Variants in L3MBTL4 observed in about 807,000 individuals in gnomAD.
The protein encoded by L3MBTL4 is L3MBTL histone methyl-lysine binding protein 4.
Under a neutral mutation model 84.5 loss-of-function variants are expected in L3MBTL4, and 70 were observed. The ratio of observed to expected loss-of-function variants is 0.83; its 90% CI spans 0.68 to 1.01. L3MBTL4 has a LOEUF of 1.01. Among genes scored for constraint, L3MBTL4 ranks in the 50% least tolerant of loss-of-function variants. The pLI is 0.00. For missense variants in L3MBTL4, 715 were observed against 754.8 expected, an observed-to-expected ratio of 0.95 and a Z score of 0.62; for synonymous variants, 274 against 259.8, an observed-to-expected ratio of 1.05 and a Z score of -0.52.
At chr18:5,975,700 T>C (rs558988498) in intron 16 of L3MBTL4, among the ~76,000 whole-genome samples, 1 of 152,278 alleles carries the variant, frequency 6.6e-6, no homozygotes, top group East Asian at 1.9e-4. Context: ...AAAACAAAAG[T>C]AAAAAGCAGA....
chr18:6,178,836 A>G (rs2044338161), intron 12 of L3MBTL4, among the ~76,000 whole-genome samples: 1 of 152,214 alleles, frequency 6.6e-6, no homozygotes, highest in Non-Finnish European at 1.5e-5. Flanking sequence ...CTGCACCAAC[A>G]CAGTCTCTGC....
intron 5 of L3MBTL4, among the ~76,000 whole-genome samples, chr18:6,257,317 C>T (rs1423916983): frequency 6.6e-6 from 1 of 152,034 alleles, no homozygotes. Flanking sequence ...CCAAGTCAGG[C>T]TTCCAGGAGA....
intron 10 of L3MBTL4, among the ~76,000 whole-genome samples, chr18:6,219,579 T>G (rs1271008189): frequency 1.3e-5 from 2 of 149,934 alleles, no homozygotes; most frequent in Non-Finnish European, 3.0e-5. Context: ...ATCAAGGAAG[T>G]ACTGAGCTAG....
At chr18:6,124,592 G>A (rs1181952286) in intron 14 of L3MBTL4, among the ~76,000 whole-genome samples, 1 of 151,942 alleles carries the variant, frequency 6.6e-6, no homozygotes, top group Non-Finnish European at 1.5e-5. Flanking sequence ...GAAAGAAAAA[G>A]GTCTGGGCTT....
At chr18:6,298,358 G>GT (rs2050192119) in intron 4 of L3MBTL4, among the ~76,000 whole-genome samples, 3 of 152,036 alleles carry the variant, frequency 2.0e-5, no homozygotes, top group Admixed American at 2.0e-4. Flanking sequence ...CCCTTTGCCT[G>GT]TTTTTGGACT....
intron 14 of L3MBTL4, among the ~76,000 whole-genome samples, chr18:6,122,003 G>A (rs376628675): frequency 2.8e-4 from 43 of 152,250 alleles, no homozygotes; most frequent in African/African-American, 1.0e-3. Context: ...TATCAGATGA[G>A]TAGTTAGAAG....
intron 16 of L3MBTL4, among the ~76,000 whole-genome samples, chr18:6,071,877 A>T (rs1323844466): frequency 1.3e-5 from 2 of 152,058 alleles, no homozygotes; most frequent in African/African-American, 4.8e-5. Flanking sequence ...GAAGAAAGGA[A>T]GGAAGGAAGA....
chr18:6,018,314 C>T (rs2055093790), intron 16 of L3MBTL4, among the ~76,000 whole-genome samples: 2 of 152,158 alleles, frequency 1.3e-5, no homozygotes, highest in African/African-American at 2.4e-5. Flanking sequence ...CACTTGGCTC[C>T]GTTTCCAGAA....
intron 16 of L3MBTL4, among the ~76,000 whole-genome samples, chr18:6,072,879 AAAATATATATATAT>A (rs1244863368): frequency 7.7e-4 from 32 of 41,590 alleles, no homozygotes; most frequent in Non-Finnish European, 1.4e-3. Context: ...AAAAAAAAAA[AAAATATATATATAT>A]ATATATATAT....
At chr18:6,313,251 A>G (rs1216569990) in intron 1 of L3MBTL4, among the ~76,000 whole-genome samples, 1 of 152,168 alleles carries the variant, frequency 6.6e-6, no homozygotes, top group Non-Finnish European at 1.5e-5. Context: ...AACTACATAA[A>G]CATGTCTCTC....
chr18:6,070,588 G>A (rs1208469597), intron 16 of L3MBTL4, among the ~76,000 whole-genome samples: 4 of 150,840 alleles, frequency 2.7e-5, no homozygotes, highest in African/African-American at 9.7e-5. Context: ...AGGTCAAAGT[G>A]GGCAGATTGT....
intron 4 of L3MBTL4, among the ~76,000 whole-genome samples, chr18:6,295,443 T>C (rs2050068762): frequency 6.6e-6 from 1 of 151,078 alleles, no homozygotes; most frequent in Non-Finnish European, 1.5e-5. Context: ...ATGCTATTAC[T>C]GATTGACTCC....
chr18:5,958,133 G>GAA (rs1567912011), intron 18 of L3MBTL4, among the ~76,000 whole-genome samples: 3 of 57,962 alleles, frequency 5.2e-5, no homozygotes, highest in Non-Finnish European at 7.7e-5. Flanking sequence ...AGAAGAAAAA[G>GAA]AAGAAGAAGA....
At chr18:5,960,279 A>G (rs2095257156) in intron 17 of L3MBTL4, 123 bp from the exon 18 acceptor site, 1 of 419,686 alleles carries the variant, frequency 2.4e-6, no homozygotes, top group Non-Finnish European at 4.3e-6. Context: ...ATTAAATAGT[A>G]ACTATCAAGT....
At chr18:6,247,561 C>T (rs1370902518) in intron 5 of L3MBTL4, among the ~76,000 whole-genome samples, 1 of 148,206 alleles carries the variant, frequency 6.7e-6, no homozygotes, top group Non-Finnish European at 1.5e-5. Flanking sequence ...TCACTGCAAC[C>T]TCCGGCTCCC....
chr18:6,194,012 AC>A (rs899198184), intron 12 of L3MBTL4, among the ~76,000 whole-genome samples: 2 of 152,146 alleles, frequency 1.3e-5, no homozygotes, highest in Non-Finnish European at 2.9e-5. Context: ...GAAGAAGTAC[AC>A]CCCATTAAAT....
At chr18:6,201,980 C>T (rs953337097) in intron 12 of L3MBTL4, among the ~76,000 whole-genome samples, 2 of 152,188 alleles carry the variant, frequency 1.3e-5, no homozygotes. Flanking sequence ...TCTCTGTACA[C>T]AGTGAAGTGC....
chr18:6,200,473 A>G (rs2045604061), intron 12 of L3MBTL4, among the ~76,000 whole-genome samples: 1 of 152,238 alleles, frequency 6.6e-6, no homozygotes, highest in African/African-American at 2.4e-5. Context: ...AATTACATTT[A>G]TTTTAAGAGA....
intron 1 of L3MBTL4, chr18:6,397,686 A>AAAAAAAT (rs1366235676): frequency 6.6e-6 from 1 of 151,956 alleles, no homozygotes; most frequent in Non-Finnish European, 1.5e-5. Context: ...CGTCTTGACA[A>AAAAAAAT]AAAAAATAAA....
Sources: allele counts gnomAD v4.1 joint callset (sites outside exome capture counted in the v4.1 genomes callset), GRCh38; gene constraint gnomAD v4.1.1; transcripts MANE v1.5; gene names NCBI Gene and HGNC (gene_info 2026-07-23, HGNC 2026-07-21).